The following GATB variants were observed in gnomAD, a reference collection of about 807,000 sequenced individuals.
The protein encoded by GATB is glutamyl-tRNA amidotransferase subunit B.
A neutral mutation model predicts 62.3 loss-of-function variants in GATB; 39 were observed. The observed-to-expected ratio is 0.63, with a 90% CI of 0.48 to 0.82. The LOEUF is 0.82. Among genes scored for constraint, GATB ranks in the 40% least tolerant of loss-of-function variants. The pLI is 0.00. For missense variants in GATB, 670 were observed against 684.0 expected, an observed-to-expected ratio of 0.98 and a Z score of 0.23; for synonymous variants, 276 against 258.9, an observed-to-expected ratio of 1.07 and a Z score of -0.63.
intron 9 of GATB, among the ~76,000 whole-genome samples, chr4:151,693,350 C>T (rs949616829): frequency 3.3e-5 from 5 of 152,140 alleles, no homozygotes; most frequent in African/African-American, 1.2e-4. Flanking sequence ...GAATCGGTGC[C>T]CCTTCTGCTT....
Position 151,719,841 on chromosome 4 carries a change from C to T in GATB, c.328-303G>A, listed in dbSNP as rs1738992900. 1.9e-5 allele frequency: 5 copies of T among 268,906 alleles called. No homozygotes were observed. The South Asian group carries it at 2.4e-4, about 13-fold the overall frequency. 16.7% of individuals were successfully genotyped at this position (268,906 alleles called of 1,614,324 possible). On this transcript the variant is annotated intron_variant, in intron 2 of 12. Transcript: ENST00000263985. Reference sequence around the variant, plus strand: ...CAGGAAGAGTCGCAGAAAAGCTTAGCGGAGTGGTTACTACATAGAATAAAT... The same window carrying T: ...CAGGAAGAGTCGCAGAAAAGCTTAGTGGAGTGGTTACTACATAGAATAAAT...
At chr4:151,680,545 C>G (rs1255556421) in intron 10 of GATB, among the ~76,000 whole-genome samples, 2 of 152,096 alleles carry the variant, frequency 1.3e-5, no homozygotes, top group Non-Finnish European at 2.9e-5. Context: ...TCAGGGGCAT[C>G]CAAGCATAGT....
chr4:151,729,859 C>G (rs537320394), intron 2 of GATB, among the ~76,000 whole-genome samples: 2 of 152,096 alleles, frequency 1.3e-5, no homozygotes, highest in East Asian at 3.9e-4. Context: ...TGATGCTGGT[C>G]GGATCATGGC....
chr4:151,734,417 T>C (rs1043565499), intron 2 of GATB, among the ~76,000 whole-genome samples: 2 of 149,626 alleles, frequency 1.3e-5, no homozygotes, highest in South Asian at 4.2e-4. Context: ...CAAGGAAAAC[T>C]ACAAAACACT....
chr4:151,719,389 G>A (rs1427340751), intron 3 of GATB, 36 bp downstream of exon 3: 2 of 1,474,888 alleles, frequency 1.4e-6, no homozygotes, highest in East Asian at 4.6e-5. Context: ...CCAGCTCTGA[G>A]AACTTGCAGT....
intron 2 of GATB, among the ~76,000 whole-genome samples, chr4:151,748,192 G>GC (rs1405940093): frequency 1.3e-5 from 2 of 152,126 alleles, no homozygotes; most frequent in African/African-American, 4.8e-5. Context: ...CCAAAAAAGA[G>GC]CCCGCATTGC....
chr4:151,715,559 G>C (rs1244962876), intron 5 of GATB, among the ~76,000 whole-genome samples: 1 of 152,082 alleles, frequency 6.6e-6, no homozygotes, highest in African/African-American at 2.4e-5. Context: ...CATAATCTTG[G>C]CTTATAGTCA....
At chr4:151,746,960 T>A (rs1739613690) in intron 2 of GATB, among the ~76,000 whole-genome samples, 1 of 152,122 alleles carries the variant, frequency 6.6e-6, no homozygotes, top group Admixed American at 6.5e-5. Context: ...GAAGTAATGG[T>A]AGTTTAAAGC....
chr4:151,712,265 C>T (rs1578916707), intron 5 of GATB, among the ~76,000 whole-genome samples: 1 of 152,306 alleles, frequency 6.6e-6, no homozygotes, highest in East Asian at 1.9e-4. Flanking sequence ...GACATGCTAT[C>T]TAGTGAAGAC....
intron 2 of GATB, among the ~76,000 whole-genome samples, chr4:151,732,818 TAA>T (rs946426321): frequency 3.5e-5 from 5 of 143,882 alleles, no homozygotes; most frequent in African/African-American, 1.3e-4. Flanking sequence ...CATGGAAAAA[TAA>T]AAAGATGCTA....
At chr4:151,742,248 C>G (rs1739505829) in intron 2 of GATB, among the ~76,000 whole-genome samples, 1 of 152,138 alleles carries the variant, frequency 6.6e-6, no homozygotes, top group African/African-American at 2.4e-5. Context: ...GCCATCGCAC[C>G]CGGCTAATTT....
chr4:151,756,736 G>A (rs1739838313), intron 2 of GATB, among the ~76,000 whole-genome samples: 2 of 152,248 alleles, frequency 1.3e-5, no homozygotes, highest in Admixed American at 6.5e-5. Context: ...CTTTTTTGGT[G>A]CATGACAAGT....
chr4:151,697,951 G>GTATATA (rs1191034630), intron 9 of GATB, among the ~76,000 whole-genome samples: 7 of 28,634 alleles, frequency 2.4e-4, no homozygotes, highest in African/African-American at 1.5e-3. Flanking sequence ...GTGTGTGTGT[G>GTATATA]TGTATATATA....
rs372313277 is a variant in GATB at position 151,705,134 on chromosome 4, C to T, written c.962+51G>A. 3.1e-5 allele frequency: 41 copies of T among 1,321,808 alleles called. 1 individual carries two copies. In the South Asian group the frequency reaches 3.5e-4, roughly 11 times the overall value. 81.9% of individuals were successfully genotyped at this position (1,321,808 alleles called of 1,614,324 possible). A position where few individuals can be genotyped will look rare whatever the true frequency, so the allele number is the denominator to read the frequency against. On this transcript the variant is annotated intron_variant, in intron 7 of 12. Transcript: ENST00000263985. ...GGCTGGTCAGTGGCTGAGCCCAGCC[C>T]TCTCGCACCACCCCCGGCTGTGGTC... is the stretch of plus-strand genomic sequence containing the variant.
At chr4:151,698,186 T>C (rs1738526982) in intron 9 of GATB, among the ~76,000 whole-genome samples, 1 of 151,668 alleles carries the variant, frequency 6.6e-6, no homozygotes, top group Admixed American at 6.6e-5. Context: ...TGTGATAACA[T>C]CCCATTCACT....
In GATB at chr4:151,671,279, G is replaced by T; in HGVS notation, c.1569C>A (p.Asn523Lys). The T allele has an allele frequency of 1.9e-6, 3 of 1,612,760 alleles. No individual in the cohort carries two copies. Among genetic ancestry groups the T allele is most frequent in the Non-Finnish European group, 2.5e-6 (3 of 1,179,754 alleles). ...CAATCAGTTTATTTATAGCTCTGGG[G>T]TTTCTGTTCTTCACATCCATTACCT... ...PQVVMDVKNRNPRAINKLIGL... is the reference protein window; with the variant it reads ...PQVVMDVKNRKPRAINKLIGL... The change falls in exon 13 of 13, where the codon AAC becomes AAA. Residue 523 changes from asparagine (N) to lysine (K), a missense_variant. Transcript: ENST00000263985.
At position 151,730,789 on chromosome 4, in the gene GATB, T is replaced by C. The variant is rs994756505; in HGVS notation, c.328-11251A>G. Among the ~76,000 whole-genome samples, 1 of 152,212 alleles carries C rather than the reference T, an allele frequency of 6.6e-6. No homozygotes were observed. Among genetic ancestry groups the C allele is most frequent in the Non-Finnish European group, 1.5e-5 (1 of 68,038 alleles). On this transcript the variant is annotated intron_variant, in intron 2 of 12. Coordinates refer to ENST00000263985, the MANE Select transcript of GATB (RefSeq NM_004564.3). This position sits in a 1 kb window ranked among gnomAD's most constrained non-coding sequence, Gnocchi z 4.1. The stretch of plus-strand genomic sequence containing the variant: ...AGACCTGAATAGCAGCTTTCAGCCC[T>C]GGACCTTCCCTCTGACAGAGCCTAC...
chr4:151,722,685 C>T, intron 2 of GATB: 1 of 156,994 alleles, frequency 6.4e-6, no homozygotes, highest in South Asian at 2.0e-4. Flanking sequence ...GGGCTTCCAT[C>T]ACAGTGGATT....
intron 2 of GATB, among the ~76,000 whole-genome samples, chr4:151,755,691 T>C (rs2127001016): frequency 6.6e-6 from 1 of 152,346 alleles, no homozygotes; most frequent in East Asian, 1.9e-4. Context: ...TTTGTTTTGA[T>C]GTGTGAAATG....
Sources: gnomAD v4.1 joint callset for allele counts (sites outside exome capture counted in the v4.1 genomes callset) on GRCh38, gnomAD v4.1.1 for gene constraint, Gnocchi (gnomAD v3.1) non-coding constraint, MANE v1.5 for transcripts, NCBI Gene and HGNC (gene_info 2026-07-23, HGNC 2026-07-21) for gene names.